The following DLG2 variants were observed in gnomAD, a reference collection of about 807,000 sequenced individuals.
DLG2 encodes the protein disks large homolog 2.
Under a neutral mutation model 132.5 loss-of-function variants are expected in DLG2, and 45 were observed. That is an observed-to-expected ratio of 0.34 (90% CI 0.27 to 0.44). DLG2 has a LOEUF of 0.44. Ranked by LOEUF, DLG2 falls within the 20% of genes least tolerant of loss-of-function variation. DLG2 has a pLI of 1.00. For missense variants in DLG2, 1,045 were observed against 1,196.9 expected, an observed-to-expected ratio of 0.87 and a Z score of 1.87; for synonymous variants, 424 against 419.6, an observed-to-expected ratio of 1.01 and a Z score of -0.13.
chr11:83,812,318 T>A (rs1026213539), intron 17 of DLG2, among the ~76,000 whole-genome samples: 1 of 152,138 alleles, frequency 6.6e-6, no homozygotes, highest in Non-Finnish European at 1.5e-5. Flanking sequence ...TGTGGTTGTG[T>A]TTAACAGTAA....
Position 83,532,776 on chromosome 11 carries a change from T to C in DLG2, c.2125A>G (p.Arg709Gly). ...GVIPSKRRVERKERARLKTVK... is the reference protein window; with the variant it reads ...GVIPSKRRVEGKERARLKTVK... Reference sequence around the variant, plus strand: ...GTCTTCAATCGGGCACGTTCCTTTCTTTCCACCCTAAAGCAAATTGAGAAT... The same window carrying C: ...GTCTTCAATCGGGCACGTTCCTTTCCTTCCACCCTAAAGCAAATTGAGAAT... Residue 709 changes from arginine to glycine, a missense_variant, in exon 21 of 28, where the codon AGA becomes GGA. This residue lies in a region of DLG2 where 398 missense variants were observed against 543.6 expected (regional missense o/e 0.73). Coordinates refer to ENST00000376104, the MANE Select transcript of DLG2 (RefSeq NM_001142699.3). 1 of 1,612,660 alleles carries C rather than the reference T, an allele frequency of 6.2e-7. No homozygotes were observed. Among genetic ancestry groups the C allele is most frequent in the Non-Finnish European group, 8.5e-7 (1 of 1,179,146 alleles).
intron 4 of DLG2, among the ~76,000 whole-genome samples, chr11:85,203,479 T>C (rs1474664432): frequency 6.6e-6 from 1 of 151,846 alleles, no homozygotes; most frequent in Non-Finnish European, 1.5e-5. Flanking sequence ...CATATACAAC[T>C]TACCACAAGT....
chr11:84,093,261 G>A, intron 10 of DLG2, among the ~76,000 whole-genome samples: 1 of 152,142 alleles, frequency 6.6e-6, no homozygotes, highest in Non-Finnish European at 1.5e-5. Context: ...TCATGTGGTT[G>A]TGTCAGAATT....
chr11:85,170,170 A>G (rs2078738400), intron 4 of DLG2, among the ~76,000 whole-genome samples: 1 of 152,248 alleles, frequency 6.6e-6, no homozygotes, highest in African/African-American at 2.4e-5. Context: ...AAAGCAGTGC[A>G]GAGTTGTGAA....
At chr11:84,052,458 G>C (rs902419632) in intron 11 of DLG2, among the ~76,000 whole-genome samples, 1 of 151,410 alleles carries the variant, frequency 6.6e-6, no homozygotes, top group Non-Finnish European at 1.5e-5. Context: ...ATCTGACAAA[G>C]GTCTAACATC....
At chr11:83,825,152 CATATAT>C (rs1555012392) in intron 17 of DLG2, among the ~76,000 whole-genome samples, 7 of 80,310 alleles carry the variant, frequency 8.7e-5, no homozygotes, top group African/African-American at 3.1e-4. Context: ...CACACACACA[CATATAT>C]ATATATATAT....
intron 7 of DLG2, among the ~76,000 whole-genome samples, chr11:84,424,688 A>C (rs751606189): frequency 5.9e-5 from 9 of 152,100 alleles, no homozygotes; most frequent in Non-Finnish European, 1.2e-4. Flanking sequence ...ATTTTAATAG[A>C]AGTATTAAAA....
chr11:84,712,060 T>A (rs2060514259), intron 6 of DLG2, among the ~76,000 whole-genome samples: 3 of 152,090 alleles, frequency 2.0e-5, no homozygotes, highest in Non-Finnish European at 4.4e-5. Flanking sequence ...TTACATGCCA[T>A]AAGAGTCCAG....
intron 18 of DLG2, among the ~76,000 whole-genome samples, chr11:83,668,820 CAT>C (rs1437312576): frequency 2.3e-5 from 3 of 128,938 alleles, no homozygotes; most frequent in Admixed American, 1.5e-4. Context: ...TGTATATAAA[CAT>C]ATATATGTGT....
At chr11:83,693,427 G>T (rs755795445) in intron 18 of DLG2, among the ~76,000 whole-genome samples, 1 of 152,144 alleles carries the variant, frequency 6.6e-6, no homozygotes, top group Non-Finnish European at 1.5e-5. Context: ...CAAATGAACA[G>T]CAGGCAACAC....
intron 2 of DLG2, among the ~76,000 whole-genome samples, chr11:85,600,467 A>T (rs1428479108): frequency 6.6e-6 from 1 of 152,248 alleles, no homozygotes; most frequent in East Asian, 1.9e-4. Flanking sequence ...GGGCACCTAC[A>T]CGCACATGAG....
intron 6 of DLG2, among the ~76,000 whole-genome samples, chr11:84,539,991 T>C (rs971597660): frequency 1.3e-5 from 2 of 152,114 alleles, no homozygotes; most frequent in African/African-American, 2.4e-5. Flanking sequence ...TAGCCATATA[T>C]AGAAAGCTGA....
At chr11:85,116,938 C>T (rs1566882444) in intron 5 of DLG2, among the ~76,000 whole-genome samples, 1 of 151,988 alleles carries the variant, frequency 6.6e-6, no homozygotes, top group Non-Finnish European at 1.5e-5. Flanking sequence ...AAAGAAACTT[C>T]AATGGGACTG....
chr11:84,134,402 T>C (rs1045369294), intron 9 of DLG2, among the ~76,000 whole-genome samples: 3 of 152,140 alleles, frequency 2.0e-5, no homozygotes, highest in African/African-American at 7.2e-5. Flanking sequence ...AAGTGCTATT[T>C]ATTAAAGCCT....
At chr11:84,049,693 GTTTC>G (rs1362301653) in intron 11 of DLG2, among the ~76,000 whole-genome samples, 1 of 151,862 alleles carries the variant, frequency 6.6e-6, no homozygotes, top group African/African-American at 2.4e-5. Flanking sequence ...AGAATTAGCG[GTTTC>G]TTTATCTCCT....
intron 4 of DLG2, among the ~76,000 whole-genome samples, chr11:85,179,809 T>C (rs1474465778): frequency 1.3e-5 from 2 of 151,964 alleles, no homozygotes; most frequent in Non-Finnish European, 2.9e-5. Context: ...TAAATGTTAA[T>C]AACGGTAGTT....
chr11:84,366,994 A>C (rs909474933), intron 7 of DLG2, among the ~76,000 whole-genome samples: 20 of 152,192 alleles, frequency 1.3e-4, no homozygotes, highest in Admixed American at 1.2e-3. Context: ...TCTCCACCCC[A>C]GATCAACAGA....
At chr11:84,662,397 A>T (rs914661500) in intron 6 of DLG2, among the ~76,000 whole-genome samples, 1 of 151,294 alleles carries the variant, frequency 6.6e-6, no homozygotes, top group Non-Finnish European at 1.5e-5. Context: ...CTGGTCTCGA[A>T]CTCCCGACCT....
chr11:84,876,933 G>T (rs1056013104), intron 6 of DLG2, among the ~76,000 whole-genome samples: 1 of 152,054 alleles, frequency 6.6e-6, no homozygotes, highest in Admixed American at 6.6e-5. Context: ...CCTTAATTTT[G>T]TTATTTACAC....
Sources: gnomAD v4.1 joint callset for allele counts (sites outside exome capture counted in the v4.1 genomes callset) on GRCh38, gnomAD v4.1.1 for gene constraint, gnomAD v4.1.1 regional missense constraint, MANE v1.5 for transcripts, NCBI Gene and HGNC (gene_info 2026-07-23, HGNC 2026-07-21) for gene names.